NME6: variants seen among roughly 807,000 people sequenced by gnomAD.
The protein encoded by NME6 is nucleoside diphosphate kinase 6, mitochondrial.
Under a neutral mutation model 22.2 loss-of-function variants are expected in NME6, and 16 were observed. The observed-to-expected ratio is 0.72, with a 90% CI of 0.49 to 1.09. The LOEUF is 1.09. Among genes scored for constraint, NME6 ranks in the 50% least tolerant of loss-of-function variants. The pLI is 0.00. For synonymous variants in NME6, 58 were observed against 85.2 expected, an observed-to-expected ratio of 0.68 and a Z score of 1.76; for missense variants, 229 against 239.0, an observed-to-expected ratio of 0.96 and a Z score of 0.28.
At chr3:48,298,130 GTGT>G (rs2035306126) in intron 2 of NME6, 1 of 398,676 alleles carries the variant, frequency 2.5e-6, no homozygotes, top group Non-Finnish European at 4.7e-6. Flanking sequence ...TAACAAATAA[GTGT>G]TGTTTTAAGC....
chr3:48,289,321 G>A (rs185402910), downstream of NME6, among the ~76,000 whole-genome samples: 376 of 152,086 alleles, frequency 2.5e-3, 1 homozygote, highest in Non-Finnish European at 3.3e-3. Context: ...TGCCCACCTC[G>A]GCCTCCCAAA....
At chr3:48,301,307 G>A (rs1251384268) in intron 1 of NME6, 46 bp downstream of exon 1, 1 of 1,596,160 alleles carries the variant, frequency 6.3e-7, no homozygotes, top group South Asian at 1.1e-5. Flanking sequence ...CCAGATTCTG[G>A]GTCATTCGGA....
Position 48,294,581 on chromosome 3 carries a change from T to C in NME6, c.*56A>G. ...CTTCCCTGGTCCTAGGAGAATGTTT[T>C]AGACTAGATGTCTAGGAGAAGTCTG... On this transcript the variant is annotated 3_prime_UTR_variant, in exon 6 of 6. Coordinates refer to ENST00000442597, the MANE Select transcript of NME6 (RefSeq NM_001308426.2). The C allele has an allele frequency of 6.3e-7, 1 of 1,582,736 alleles. No individual in the cohort carries two copies. The highest frequency in any genetic ancestry group is 8.6e-7 in the Non-Finnish European group (1 of 1,156,540).
chr3:48,295,830 C>T (rs1337459384), intron 4 of NME6: 4 of 465,194 alleles, frequency 8.6e-6, no homozygotes, highest in Non-Finnish European at 1.6e-5. Flanking sequence ...ATTCTCCTGC[C>T]TCAGCCTCCC....
At position 48,293,485 on chromosome 3, in the gene NME6, A is replaced by G. The variant is rs2034715360; in HGVS notation, c.*1152T>C. The G allele has an allele frequency of 6.6e-6, 1 of 152,214 alleles. No homozygotes were observed. The highest frequency in any genetic ancestry group is 2.4e-5 in the African/African-American group (1 of 41,454). 9.4% of individuals were successfully genotyped at this position (152,214 alleles called of 1,614,324 possible). On this transcript the variant is annotated 3_prime_UTR_variant, in exon 6 of 6. Coordinates refer to ENST00000442597, the MANE Select transcript of NME6 (RefSeq NM_001308426.2). ...TCACACATACAAAACTGACCCATAT[A>G]TTCCTGAAAATGAACAGACTGTCTA...
At chr3:48,297,560 C>T (rs2035247203) in intron 2 of NME6, 1 of 152,244 alleles carries the variant, frequency 6.6e-6, no homozygotes, top group African/African-American at 2.4e-5. Context: ...TGACCCCGAG[C>T]CCCACCAAGA....
In NME6 at chr3:48,292,990, G is replaced by C. The variant is rs2034665347; in HGVS notation, c.*1647C>G. On this transcript the variant is annotated 3_prime_UTR_variant, in exon 6 of 6. Transcript: ENST00000442597. ...CAGTATTGCCCTGTGGGACTTGGAG[G>C]GCAAGGGAGACCAAGGCTAACACAC... 6.6e-6 allele frequency: 1 copy of C among 152,234 alleles called. No homozygotes were observed. Among genetic ancestry groups the C allele is most frequent in the African/African-American group, 2.4e-5 (1 of 41,446 alleles). 9.4% of individuals were successfully genotyped at this position (152,234 alleles called of 1,614,324 possible).
At chr3:48,296,865 A>G (rs1321623853) in intron 2 of NME6, 36 bp from the exon 3 acceptor site, 2 of 1,522,728 alleles carry the variant, frequency 1.3e-6, no homozygotes, top group African/African-American at 1.4e-5. Flanking sequence ...AAAATCAATC[A>G]GGAGACTGAA....
At chr3:48,298,851 C>T (rs2035405308) in intron 1 of NME6, 12 of 651,492 alleles carry the variant, frequency 1.8e-5, no homozygotes, top group African/African-American at 5.4e-5. Context: ...TCCTAACTTC[C>T]TTTTGTATTT....
downstream of NME6, chr3:48,290,817 A>C (rs2034399396): frequency 5.6e-6 from 1 of 178,014 alleles, no homozygotes; most frequent in African/African-American, 2.4e-5. Flanking sequence ...CTCCATAATC[A>C]TCTGACATCA....
At chr3:48,295,850 G>C (rs2035034998) in intron 4 of NME6, 1 of 501,308 alleles carries the variant, frequency 2.0e-6, no homozygotes, top group Non-Finnish European at 3.6e-6. Context: ...CGAGTAGCTG[G>C]GATTACAGGC....
Position 48,295,178 on chromosome 3 carries a change from C to T in NME6, c.291G>A (p.Thr97=), listed in dbSNP as rs1220354636. ...GGAACACTCTGGTGGGTCCCATGAG[C>T]GTCCTCCAGAGCTGGATGGCATCCT... ...AHKDAIQLWR[T]LMGPTRVFRA... Residue 97 remains threonine (T), a synonymous_variant, in exon 5 of 6, where the codon ACG becomes ACA. Coordinates refer to ENST00000442597, the MANE Select transcript of NME6 (RefSeq NM_001308426.2). The T allele has an allele frequency of 3.1e-6, 5 of 1,614,160 alleles. No homozygotes were observed. The highest frequency in any genetic ancestry group is 1.3e-5 in the African/African-American group (1 of 75,054).
chr3:48,292,330 C>A lies in NME6; in HGVS notation c.*2307G>T, dbSNP rs1559993353. ...CACACTGATATCTCCAATTCGACAC[C>A]ACAGGGTTTATTCTAGTTTTCTCCC... is the stretch of plus-strand genomic sequence containing the variant. On this transcript the variant is annotated 3_prime_UTR_variant, in exon 6 of 6. Transcript: ENST00000442597. 6.6e-6 allele frequency: 1 copy of A among 152,146 alleles called. No individual in the cohort carries two copies. The highest frequency in any genetic ancestry group is 6.5e-5 in the Admixed American group (1 of 15,278). The allele number at this position is 152,146 out of a possible 1,614,324, so 9.4% of individuals were successfully genotyped here.
chr3:48,294,512 C>G lies in NME6; in HGVS notation c.*125G>C. On this transcript the variant is annotated 3_prime_UTR_variant, in exon 6 of 6. Coordinates refer to ENST00000442597, the MANE Select transcript of NME6 (RefSeq NM_001308426.2). The stretch of plus-strand genomic sequence containing the variant: ...GATGTGCTGTGGTGAGCTAGGCCCT[C>G]AGGCAGGTGGTGGTGCCCAGCAGAA... The G allele has an allele frequency of 1.1e-6, 1 of 882,744 alleles. No homozygotes were observed. The highest frequency in any genetic ancestry group is 1.8e-6 in the Non-Finnish European group (1 of 570,868). The allele number at this position is 882,744 out of a possible 1,614,324, so 54.7% of individuals were successfully genotyped here.
downstream of NME6, among the ~76,000 whole-genome samples, chr3:48,289,629 C>G (rs2034322680): frequency 6.6e-6 from 1 of 152,140 alleles, no homozygotes; most frequent in South Asian, 2.1e-4. Context: ...CACAGATGCC[C>G]CACACCTAGT....
At chr3:48,299,565 A>ATG (rs1206362000) in intron 1 of NME6, among the ~76,000 whole-genome samples, 12 of 144,178 alleles carry the variant, frequency 8.3e-5, no homozygotes, top group East Asian at 2.0e-4. Context: ...ATATGTGTGT[A>ATG]TGTGTGTGTG....
At position 48,293,180 on chromosome 3, in the gene NME6, A is replaced by G. The variant is rs905635424; in HGVS notation, c.*1457T>C. 6.6e-6 allele frequency: 1 copy of G among 152,206 alleles called. No individual in the cohort carries two copies. The highest frequency in any genetic ancestry group is 1.5e-5 in the Non-Finnish European group (1 of 68,046). 9.4% of individuals were successfully genotyped at this position (152,206 alleles called of 1,614,324 possible). On this transcript the variant is annotated 3_prime_UTR_variant, in exon 6 of 6. Coordinates refer to ENST00000442597, the MANE Select transcript of NME6 (RefSeq NM_001308426.2). ...GTGCCCTTATGGGAAAAGTAGCTCTAAGTCCCAGGCTCACTTCTCTTGAGT... is the reference window on the plus strand; with the variant it reads ...GTGCCCTTATGGGAAAAGTAGCTCTGAGTCCCAGGCTCACTTCTCTTGAGT...
Position 48,293,482 on chromosome 3 carries a change from T to G in NME6, c.*1155A>C, listed in dbSNP as rs1444877044. ...AGGTCACACATACAAAACTGACCCA[T>G]ATATTCCTGAAAATGAACAGACTGT... On this transcript the variant is annotated 3_prime_UTR_variant, in exon 6 of 6. Coordinates refer to ENST00000442597, the MANE Select transcript of NME6 (RefSeq NM_001308426.2). The G allele has an allele frequency of 2.6e-5, 4 of 152,214 alleles. No individual in the cohort carries two copies. Among genetic ancestry groups the G allele is most frequent in the African/African-American group, 9.6e-5 (4 of 41,458 alleles). 9.4% of individuals were successfully genotyped at this position (152,214 alleles called of 1,614,324 possible).
At chr3:48,289,725 T>C (rs1051851046), downstream of NME6, among the ~76,000 whole-genome samples, 4 of 152,200 alleles carry the variant, frequency 2.6e-5, no homozygotes, top group Non-Finnish European at 4.4e-5. Flanking sequence ...AGGTAACTAG[T>C]GTGCACAGCT....
Sources: gnomAD v4.1 joint callset for allele counts (sites outside exome capture counted in the v4.1 genomes callset) on GRCh38, gnomAD v4.1.1 for gene constraint, MANE v1.5 for transcripts, NCBI Gene and HGNC (gene_info 2026-07-23, HGNC 2026-07-21) for gene names.